Variants in SOS2 observed in about 807,000 individuals in gnomAD.
SOS2 encodes SOS Ras/Rho guanine nucleotide exchange factor 2.
SOS2 carries 65 observed loss-of-function variants against 148.2 expected under a neutral mutation model. The ratio of observed to expected loss-of-function variants is 0.44; its 90% CI spans 0.36 to 0.54. The LOEUF (loss-of-function observed/expected upper bound fraction) is 0.54, where lower values mean the gene tolerates loss of function less well. Among genes scored for constraint, SOS2 ranks in the 20% least tolerant of loss-of-function variants. SOS2 has a pLI of 0.00. For missense variants in SOS2, 1,341 were observed against 1,590.2 expected, an observed-to-expected ratio of 0.84 and a Z score of 2.67; for synonymous variants, 539 against 537.1, an observed-to-expected ratio of 1.00 and a Z score of -0.05.
At chr14:50,209,924 T>C (rs1190284386) in intron 1 of SOS2, among the ~76,000 whole-genome samples, 7 of 152,178 alleles carry the variant, frequency 4.6e-5, no homozygotes, top group Non-Finnish European at 1.0e-4. Context: ...AGACTTAATA[T>C]TGTATACAAC....
At position 50,181,322 on chromosome 14, in the gene SOS2, C is replaced by G. The variant is rs550501588; in HGVS notation, c.859-640G>C. ...AATTAGCTGGGCGTGGTGGCAGGCG[C>G]CTGTAATCCCAGCTACTCAGGAGGC... On this transcript the variant is annotated intron_variant, in intron 6 of 22. Coordinates refer to ENST00000216373, the MANE Select transcript of SOS2 (RefSeq NM_006939.4). Among the ~76,000 whole-genome samples the G allele has an allele frequency of 4.6e-3, 693 of 152,126 alleles. 11 individuals carry two copies. Among genetic ancestry groups the G allele is most frequent in the African/African-American group, 0.016 (674 of 41,498 alleles).
intron 4 of SOS2, among the ~76,000 whole-genome samples, chr14:50,198,324 T>C (rs1438099849): frequency 1.4e-5 from 2 of 147,018 alleles, no homozygotes; most frequent in Non-Finnish European, 3.0e-5. Flanking sequence ...ACTTCCAACT[T>C]TTCTAAAAGT....
At chr14:50,207,793 C>T (rs545339279) in intron 1 of SOS2, among the ~76,000 whole-genome samples, 53 of 151,130 alleles carry the variant, frequency 3.5e-4, no homozygotes, top group African/African-American at 1.2e-3. Flanking sequence ...GTAATCTTAG[C>T]TACTTGGGTG....
intron 21 of SOS2, among the ~76,000 whole-genome samples, chr14:50,121,174 C>G (rs1335984369): frequency 6.6e-6 from 1 of 152,202 alleles, no homozygotes; most frequent in South Asian, 2.1e-4. Context: ...ATAATGTACA[C>G]GTTATATAAC....
intron 21 of SOS2, among the ~76,000 whole-genome samples, chr14:50,122,391 CTTTTTT>C (rs71118839): frequency 3.4e-5 from 3 of 88,308 alleles, no homozygotes; most frequent in Non-Finnish European, 4.0e-5. Context: ...GAACCCTGGG[CTTTTTT>C]TTTTTTTTTT....
chr14:50,150,736 T>G (rs1884635661), intron 13 of SOS2, among the ~76,000 whole-genome samples: 1 of 152,034 alleles, frequency 6.6e-6, no homozygotes, highest in Non-Finnish European at 1.5e-5. Context: ...TTTTGTATTT[T>G]TTTTGAAATG....
intron 4 of SOS2, among the ~76,000 whole-genome samples, chr14:50,194,304 A>G (rs1462579670): frequency 6.6e-6 from 1 of 152,188 alleles, no homozygotes; most frequent in Non-Finnish European, 1.5e-5. Context: ...GGCCCTTTAT[A>G]GGTAAAGTTT....
chr14:50,123,326 G>A (rs1180430558), intron 21 of SOS2, among the ~76,000 whole-genome samples: 2 of 150,024 alleles, frequency 1.3e-5, no homozygotes, highest in South Asian at 2.1e-4. Context: ...GGGCCTGTGC[G>A]TTCTTTAAAG....
In SOS2 at chr14:50,204,284, C is replaced by T. The variant is rs1166627665; in HGVS notation, c.213G>A (p.Glu71=). ...MAQPRTVQDV[E]ERVQKTFPHP... ...TTTGAAATGACAAAATAATTTTTAC[C>T]TCTACATCTTGAACAGTCCTTGGCT... Residue 71 remains glutamate, a splice_region_variant and synonymous_variant, in exon 2 of 23, where the codon GAG becomes GAA. Coordinates refer to ENST00000216373, the MANE Select transcript of SOS2 (RefSeq NM_006939.4). The T allele has an allele frequency of 2.6e-6, 4 of 1,560,912 alleles. No individual in the cohort carries two copies. Among genetic ancestry groups the T allele is most frequent in the Admixed American group, 2.1e-5 (1 of 48,370 alleles).
chr14:50,129,244 C>T (rs1250501095), intron 21 of SOS2, among the ~76,000 whole-genome samples: 3 of 151,924 alleles, frequency 2.0e-5, no homozygotes, highest in Non-Finnish European at 4.4e-5. Context: ...GAGGATATCC[C>T]GGGAACCTGA....
chr14:50,212,055 A>G (rs1036143872), intron 1 of SOS2, among the ~76,000 whole-genome samples: 3 of 152,240 alleles, frequency 2.0e-5, no homozygotes, highest in African/African-American at 7.2e-5. Flanking sequence ...GATAAAAAGA[A>G]TACATACAAT....
intron 2 of SOS2, among the ~76,000 whole-genome samples, chr14:50,201,966 G>T (rs75625949): frequency 6.6e-6 from 1 of 152,024 alleles, no homozygotes; most frequent in Non-Finnish European, 1.5e-5. Flanking sequence ...TTGGAGACAG[G>T]GTCTCACTCT....
Position 50,130,648 on chromosome 14 carries a change from A to C in SOS2, c.3190T>G (p.Cys1064Gly). 6.2e-7 allele frequency: 1 copy of C among 1,614,132 alleles called. No individual in the cohort carries two copies. The highest frequency in any genetic ancestry group is 8.5e-7 in the Non-Finnish European group (1 of 1,180,016). The change falls in exon 20 of 23, where the codon TGT (cysteine) becomes GGT (glycine). Residue 1064 changes from cysteine (C) to glycine (G), a missense_variant. Physicochemically the swap from Cys to Gly is radical, Grantham distance 159. Around this residue, in one of 4 missense-constraint regions of SOS2, gnomAD observed 354 missense variants for 347.7 expected, o/e 1.02. Coordinates refer to ENST00000216373, the MANE Select transcript of SOS2 (RefSeq NM_006939.4). ...GHPTPLEREP[C>G]KISFSRIAET... Reference sequence around the variant, plus strand: ...GCAATCCGACTAAAGCTTATTTTACATGGTTCTCTTTCTAATGGTGTTGGG... The same window carrying C: ...GCAATCCGACTAAAGCTTATTTTACCTGGTTCTCTTTCTAATGGTGTTGGG...
chr14:50,143,329 GAA>G (rs11455809), intron 16 of SOS2, among the ~76,000 whole-genome samples: 1 of 126,746 alleles, frequency 7.9e-6, no homozygotes, highest in Non-Finnish European at 1.6e-5. Context: ...GACTCTTTAG[GAA>G]AAAAAAAAAA....
intron 1 of SOS2, among the ~76,000 whole-genome samples, chr14:50,229,918 T>C (rs1311005506): frequency 6.6e-6 from 1 of 152,210 alleles, no homozygotes; most frequent in Non-Finnish European, 1.5e-5. Context: ...CTCAGCACAC[T>C]TTTCATTTCT....
chr14:50,213,709 G>T (rs1405276383), intron 1 of SOS2, among the ~76,000 whole-genome samples: 2 of 151,144 alleles, frequency 1.3e-5, no homozygotes, highest in African/African-American at 4.9e-5. Flanking sequence ...AGCATTTACA[G>T]TCATAATAAT....
rs367970301 is a variant in SOS2 at position 50,159,733 on chromosome 14, T to C, written c.1550A>G (p.Lys517Arg). 6.8e-6 allele frequency: 11 copies of C among 1,614,010 alleles called. No homozygotes were observed. Among genetic ancestry groups the C allele is most frequent in the Non-Finnish European group, 9.3e-6 (11 of 1,179,996 alleles). ...EHKHAFELVS[K>R]DENSIIFAAK... ...AGCAAATATTATGCTGTTCTCATCTTTGGATACTAATTCAAATGCATGCTT... is the reference window on the plus strand; with the variant it reads ...AGCAAATATTATGCTGTTCTCATCTCTGGATACTAATTCAAATGCATGCTT... The change falls in exon 10 of 23, where the codon AAA becomes AGA. Residue 517 changes from lysine (K) to arginine (R), a missense_variant. Around this residue, in one of 4 missense-constraint regions of SOS2, gnomAD observed 574 missense variants for 711.1 expected, o/e 0.81. Coordinates refer to ENST00000216373, the MANE Select transcript of SOS2 (RefSeq NM_006939.4).
At chr14:50,156,025 G>A (rs1884804948) in intron 12 of SOS2, 1 of 152,060 alleles carries the variant, frequency 6.6e-6, no homozygotes, top group African/African-American at 2.4e-5. Context: ...GCATTTGTTT[G>A]TGGCAATTAT....
At chr14:50,142,540 T>G (rs1884330298) in intron 16 of SOS2, among the ~76,000 whole-genome samples, 4 of 152,224 alleles carry the variant, frequency 2.6e-5, no homozygotes, top group Admixed American at 1.3e-4. Flanking sequence ...TGGGGTTTGC[T>G]CTGCTTTGTG....
Sources: allele counts gnomAD v4.1 joint callset (sites outside exome capture counted in the v4.1 genomes callset), GRCh38; gene constraint gnomAD v4.1.1; regional missense constraint gnomAD v4.1.1; transcripts MANE v1.5; gene names NCBI Gene and HGNC (gene_info 2026-07-23, HGNC 2026-07-21).